ZC3H4: variants seen among roughly 807,000 people sequenced by gnomAD.
ZC3H4 encodes the protein zinc finger CCCH domain-containing protein 4.
Under a neutral mutation model 108.3 loss-of-function variants are expected in ZC3H4, and 13 were observed. The ratio of observed to expected loss-of-function variants is 0.12; its 90% CI spans 0.08 to 0.19. The LOEUF (loss-of-function observed/expected upper bound fraction) is 0.19, where lower values mean the gene tolerates loss of function less well. Among genes scored for constraint, ZC3H4 ranks in the 10% least tolerant of loss-of-function variants. The probability of loss-of-function intolerance (pLI) is 1.00; values close to 1 mark genes in which losing one functional copy is unlikely to be tolerated. For synonymous variants in ZC3H4, 917 were observed against 749.6 expected (o/e 1.22, Z -3.65); for missense variants, 1,734 against 1,838.8 (o/e 0.94, Z 1.04).
chr19:47,093,581 C>A (rs748260952), intron 4 of ZC3H4, among the ~76,000 whole-genome samples: 2 of 152,050 alleles, frequency 1.3e-5, no homozygotes, highest in Non-Finnish European at 2.9e-5. Flanking sequence ...AGCTGGGCAA[C>A]CCTGTTGAAA....
chr19:47,086,260 T>C (rs2057619977), intron 6 of ZC3H4, 124 bp downstream of exon 6: 2 of 1,100,196 alleles, frequency 1.8e-6, no homozygotes, highest in South Asian at 1.4e-5. Context: ...CTCTGAGGCT[T>C]CCCTTCCTTC....
intron 2 of ZC3H4, among the ~76,000 whole-genome samples, chr19:47,111,954 T>G (rs1315984878): frequency 6.6e-6 from 1 of 151,244 alleles, no homozygotes; most frequent in Non-Finnish European, 1.5e-5. Flanking sequence ...TTGTTCGAGA[T>G]CCCCCCAAAA....
rs768366949 is a variant in ZC3H4, at chr19:47,072,044, G to A, written c.1880C>T (p.Pro627Leu). 6.3e-7 allele frequency: 1 copy of A among 1,586,448 alleles called. No homozygotes were observed. The highest frequency in any genetic ancestry group is 8.6e-7 in the Non-Finnish European group (1 of 1,166,048). Residue 627 changes from proline to leucine, a missense_variant, in exon 13 of 15, where the codon CCA (proline) becomes CTA (leucine). Coordinates refer to ENST00000253048, the MANE Select transcript of ZC3H4 (RefSeq NM_015168.2). This position sits in a 1 kb window ranked among gnomAD's most constrained non-coding sequence, Gnocchi z 5.6. ...NMGPPGPMGGPMHPDMHPDMH... is the reference protein window; with the variant it reads ...NMGPPGPMGGLMHPDMHPDMH... ...GTCGGGGTGCATGTCAGGATGCATT[G>A]GACCGCCCATTGGCCCTGGGGGTCC...
Position 47,072,256 on chromosome 19 carries a change from C to G in ZC3H4, c.1802+96G>C. The G allele has an allele frequency of 1.4e-6, 2 of 1,423,814 alleles. No individual in the cohort carries two copies. Among genetic ancestry groups the G allele is most frequent in the Non-Finnish European group, 1.9e-6 (2 of 1,047,448 alleles). 88.2% of individuals were successfully genotyped at this position (1,423,814 alleles called of 1,614,324 possible). On this transcript the variant is annotated intron_variant, in intron 12 of 14. Coordinates refer to ENST00000253048, the MANE Select transcript of ZC3H4 (RefSeq NM_015168.2). The surrounding 1 kb of genome is among the most constrained non-coding windows in gnomAD (Gnocchi z 5.6). ...GGACTCCCACAGCTGGGGAGAGAGG[C>G]AGGACTCTCCCACAGCCAGGCTTGC...
rs188039630 is a variant in ZC3H4, at chr19:47,109,697, A to G, written c.161+2727T>C. Among the ~76,000 whole-genome samples, 5 of 152,324 alleles carry G rather than the reference A, an allele frequency of 3.3e-5. No homozygotes were observed. The East Asian group carries it at 9.6e-4, about 29-fold the overall frequency. ...TTAAGAGGAAGAAAACAAGTGGCCT[A>G]TTGAATTGCAGTTTCCTCATCTACA... On this transcript the variant is annotated intron_variant, in intron 2 of 14. Coordinates refer to ENST00000253048, the MANE Select transcript of ZC3H4 (RefSeq NM_015168.2).
chr19:47,073,095 A>G (rs1186581840), intron 11 of ZC3H4, among the ~76,000 whole-genome samples: 1 of 152,138 alleles, frequency 6.6e-6, no homozygotes, highest in Non-Finnish European at 1.5e-5. Context: ...CAACATGGCA[A>G]AACCCCATCT....
intron 2 of ZC3H4, among the ~76,000 whole-genome samples, chr19:47,107,578 G>T (rs575607155): frequency 2.0e-5 from 3 of 150,242 alleles, no homozygotes; most frequent in African/African-American, 7.4e-5. Context: ...AAAAATACAC[G>T]AGAAAGATCC....
chr19:47,085,534 C>T (rs1447797754), intron 6 of ZC3H4, 120 bp from the exon 7 acceptor site: 1 of 868,724 alleles, frequency 1.2e-6, no homozygotes, highest in East Asian at 2.6e-5. Flanking sequence ...ATACCATAAC[C>T]CGTTTCCACA....
In ZC3H4 at chr19:47,089,948, C is replaced by T; in HGVS notation, c.715+19G>A. 1 of 1,613,606 alleles carries T rather than the reference C, an allele frequency of 6.2e-7. No homozygotes were observed. The highest frequency in any genetic ancestry group is 1.1e-5 in the South Asian group (1 of 91,076). ...TGGCTCCGATGCCCCAGAGGAGAAA[C>T]TGTAAGGGCAGGGCTCACCTCGGCC... is the stretch of plus-strand genomic sequence containing the variant. On this transcript the variant is annotated intron_variant, in intron 5 of 14. Coordinates refer to ENST00000253048, the MANE Select transcript of ZC3H4 (RefSeq NM_015168.2).
rs564021447 is a variant in ZC3H4, at chr19:47,082,311, C to G, written c.1219-16G>C. 1 of 1,586,816 alleles carries G rather than the reference C, an allele frequency of 6.3e-7. No individual in the cohort carries two copies. Among genetic ancestry groups the G allele is most frequent in the South Asian group, 1.1e-5 (1 of 90,660 alleles). On this transcript the variant is annotated splice_polypyrimidine_tract_variant and intron_variant, in intron 9 of 14. Transcript: ENST00000253048. Reference sequence around the variant, plus strand: ...AGTGGTCTCCCTAGAAGAGAAGCAACAAAAACATAAGGTGGTGGCGTGGGA... The same window carrying G: ...AGTGGTCTCCCTAGAAGAGAAGCAAGAAAAACATAAGGTGGTGGCGTGGGA...
chr19:47,066,462 C>G lies in ZC3H4; in HGVS notation c.3806G>C (p.Ser1269Thr). Reference protein sequence around the residue: ...VKQTPKTGSGSPFAGNSPARE... With the variant: ...VKQTPKTGSGTPFAGNSPARE... ...GGCCGGACTGTTCCCAGCAAATGGG[C>G]TTCCTGAGCCCGTCTTGGGTGTCTG... Residue 1269 changes from serine to threonine, a missense_variant, in exon 15 of 15, where the codon AGC becomes ACC. Around this residue, in one of 9 missense-constraint regions of ZC3H4, gnomAD observed 518 missense variants for 499.6 expected, o/e 1.04. Transcript: ENST00000253048. 6.3e-7 allele frequency: 1 copy of G among 1,580,678 alleles called. No homozygotes were observed. Among genetic ancestry groups the G allele is most frequent in the Non-Finnish European group, 8.6e-7 (1 of 1,163,734 alleles).
intron 11 of ZC3H4, among the ~76,000 whole-genome samples, chr19:47,073,523 G>GA (rs2057365278): frequency 1.3e-5 from 2 of 151,850 alleles, no homozygotes; most frequent in South Asian, 4.2e-4. Context: ...AGTGAGCCGA[G>GA]ATCACACTAC....
At chr19:47,076,349 A>G (rs982637070) in intron 11 of ZC3H4, among the ~76,000 whole-genome samples, 1 of 151,784 alleles carries the variant, frequency 6.6e-6, no homozygotes, top group African/African-American at 2.4e-5. Flanking sequence ...ACACACACTC[A>G]CACTCTTAAA....
rs2057731192 is a variant in ZC3H4, at chr19:47,091,544, A to T, written c.493-1355T>A. ...AGGCAAGATTGCGCCACTGCACTCC[A>T]GCCTGGGCGACAGAGCGAGACTCTG... is the stretch of plus-strand genomic sequence containing the variant. On this transcript the variant is annotated intron_variant, in intron 4 of 14. Transcript: ENST00000253048. Among the ~76,000 whole-genome samples the T allele has an allele frequency of 2.0e-5, 3 of 152,078 alleles. No homozygotes were observed. In the East Asian group the frequency reaches 5.8e-4, roughly 29 times the overall value.
At chr19:47,079,165 G>A (rs1390410795) in intron 11 of ZC3H4, among the ~76,000 whole-genome samples, 1 of 150,930 alleles carries the variant, frequency 6.6e-6, no homozygotes, top group Non-Finnish European at 1.5e-5. Flanking sequence ...GAGTAGCTGG[G>A]ATTACAGGTA....
Position 47,072,531 on chromosome 19 carries a change from G to A in ZC3H4, c.1623C>T (p.Pro541=). Residue 541 remains proline (P), a synonymous_variant, in exon 12 of 15, where the codon CCC becomes CCT. Coordinates refer to ENST00000253048, the MANE Select transcript of ZC3H4 (RefSeq NM_015168.2). This position sits in a 1 kb window ranked among gnomAD's most constrained non-coding sequence, Gnocchi z 5.6. Reference sequence around the variant, plus strand: ...GGGGAGGGGGAGGGGGCGGGGGCGGGGGGCCACCCTGCATGGGCCTGCCGT... The same window carrying A: ...GGGGAGGGGGAGGGGGCGGGGGCGGAGGGCCACCCTGCATGGGCCTGCCGT... ...SPNGRPMQGG[P]PPPPPPPPPP... is the part of the protein sequence containing the mutation. 1.5e-6 allele frequency: 2 copies of A among 1,329,280 alleles called. No homozygotes were observed. Among genetic ancestry groups the A allele is most frequent in the Non-Finnish European group, 2.0e-6 (2 of 980,482 alleles). The allele number at this position is 1,329,280 out of a possible 1,614,324, so 82.3% of individuals were successfully genotyped here. A position where few individuals can be genotyped will look rare whatever the true frequency, so the allele number is the denominator to read the frequency against.
At chr19:47,095,714 CCA>C (rs1318490670) in intron 2 of ZC3H4, among the ~76,000 whole-genome samples, 1 of 152,060 alleles carries the variant, frequency 6.6e-6, no homozygotes, top group Non-Finnish European at 1.5e-5. Context: ...TGAGCCAAAC[CCA>C]CAGACACAGT....
intron 4 of ZC3H4, among the ~76,000 whole-genome samples, chr19:47,093,316 C>T (rs2057768992): frequency 6.6e-6 from 1 of 151,736 alleles, no homozygotes; most frequent in South Asian, 2.1e-4. Flanking sequence ...TAAATTGCTG[C>T]TTGAAATGAG....
Position 47,066,614 on chromosome 19 carries a change from G to A in ZC3H4, c.3654C>T (p.Tyr1218=), listed in dbSNP as rs751744730. The A allele has an allele frequency of 1.2e-6, 2 of 1,609,184 alleles. No homozygotes were observed. Among genetic ancestry groups the A allele is most frequent in the African/African-American group, 2.7e-5 (2 of 74,900 alleles). The stretch of plus-strand genomic sequence containing the variant: ...CAGCAGCCTTGGGCCGGGGCCGGTT[G>A]TAGCTGTTGTATCTGTCCGTGGGGG... ...GGTPTDRYNS[Y]NRPRPKAAAA... The change falls in exon 15 of 15, where the codon TAC becomes TAT. Residue 1218 remains tyrosine, a synonymous_variant. Coordinates refer to ENST00000253048, the MANE Select transcript of ZC3H4 (RefSeq NM_015168.2).
Sources: allele counts gnomAD v4.1 joint callset (sites outside exome capture counted in the v4.1 genomes callset), GRCh38; gene constraint gnomAD v4.1.1; regional missense constraint gnomAD v4.1.1; non-coding constraint Gnocchi (gnomAD v3.1); transcripts MANE v1.5; gene names NCBI Gene and HGNC (gene_info 2026-07-23, HGNC 2026-07-21).